FAM83B: variants seen among roughly 807,000 people sequenced by gnomAD.
The protein encoded by FAM83B is scaffolding CK1 anchoring protein B, also known as protein FAM83B.
A neutral mutation model predicts 38.8 loss-of-function variants in FAM83B; 26 were observed. The observed-to-expected ratio is 0.67, with a 90% confidence interval of 0.49 to 0.93. FAM83B has a LOEUF of 0.93. Among genes scored for constraint, FAM83B ranks in the 40% least tolerant of loss-of-function variants. The pLI, the probability that FAM83B is intolerant of heterozygous loss-of-function variation, is 0.00. For missense variants in FAM83B, 1,237 were observed against 1,197.3 expected (o/e 1.03, Z -0.49); for synonymous variants, 419 against 423.1 (o/e 0.99, Z 0.12).
Position 54,903,873 on chromosome 6 carries a change from G to A in FAM83B, c.445-22498G>A, listed in dbSNP as rs558682660. On this transcript the variant is annotated intron_variant, in intron 2 of 4. Coordinates refer to ENST00000306858, the MANE Select transcript of FAM83B (RefSeq NM_001010872.3). ...CATTTTTCAGGCAAATATTGGAATC[G>A]TTGCCCCATATGCTTATGTACCACA... Among the ~76,000 whole-genome samples, 31 of 151,122 alleles carry A rather than the reference G, an allele frequency of 2.1e-4. No homozygotes were observed. The East Asian group carries it at 5.9e-3, about 29-fold the overall frequency.
At chr6:54,905,231 TAGCATAGTGGTAA>T (rs775824468) in intron 2 of FAM83B, among the ~76,000 whole-genome samples, 4 of 152,142 alleles carry the variant, frequency 2.6e-5, no homozygotes, top group Non-Finnish European at 5.9e-5. Context: ...GGGAATAGCA[TAGCATAGTGGTAA>T]AGTCTTAGCT....
chr6:54,892,012 G>T (rs181203681), intron 2 of FAM83B, among the ~76,000 whole-genome samples: 136 of 152,112 alleles, frequency 8.9e-4, no homozygotes, highest in Middle Eastern at 3.4e-3. Context: ...GCTCTCCATT[G>T]CTACCATCCA....
Position 54,926,372 on chromosome 6 carries a change from T to A in FAM83B, c.446T>A (p.Val149Asp). 2 of 1,571,272 alleles carry A rather than the reference T, an allele frequency of 1.3e-6. No homozygotes were observed. Among genetic ancestry groups the A allele is most frequent in the Non-Finnish European group, 8.7e-7 (1 of 1,154,242 alleles). The change falls in exon 3 of 5, where the codon GTC (valine) becomes GAC (aspartate). Residue 149 changes from valine to aspartate, a missense_variant and splice_region_variant. Val to Asp is a radical substitution (Grantham distance 152, BLOSUM62 -3). Transcript: ENST00000306858. The stretch of plus-strand genomic sequence containing the variant: ...GTTTCATATTCTTATATTTAACAGG[T>A]CATTGCTTTAGTGATGGATATATTT... ...IRKMIKEARK[V>D]IALVMDIFTD...
intron 2 of FAM83B, among the ~76,000 whole-genome samples, chr6:54,895,644 T>C (rs1772513027): frequency 6.6e-6 from 1 of 152,178 alleles, no homozygotes; most frequent in African/African-American, 2.4e-5. Flanking sequence ...TTATGTAGTA[T>C]GTATGTTGTA....
At chr6:54,882,569 T>C (rs1470734731) in intron 2 of FAM83B, among the ~76,000 whole-genome samples, 1 of 152,216 alleles carries the variant, frequency 6.6e-6, no homozygotes, top group Non-Finnish European at 1.5e-5. Context: ...GCAGGCTCCA[T>C]GCAAACCAGC....
In FAM83B at chr6:54,940,130, C is replaced by T. The variant is rs776090893; in HGVS notation, c.1159C>T (p.His387Tyr). The T allele has an allele frequency of 7.4e-6, 12 of 1,613,902 alleles. No homozygotes were observed. Among genetic ancestry groups the T allele is most frequent in the South Asian group, 4.4e-5 (4 of 91,090 alleles). Residue 387 changes from histidine to tyrosine, a missense_variant, in exon 5 of 5, where the codon CAT becomes TAT. Physicochemically the swap from His to Tyr is moderately conservative, Grantham distance 83 (BLOSUM62 2). Transcript: ENST00000306858. Reference sequence around the variant, plus strand: ...TCAGATAAATGAAAATTGGAAAAGGCATAGTTATGCTGGGGAACAGCCAGA... The same window carrying T: ...TCAGATAAATGAAAATTGGAAAAGGTATAGTTATGCTGGGGAACAGCCAGA... ...PNQINENWKR[H>Y]SYAGEQPETV...
Position 54,855,605 on chromosome 6 carries a change from G to C in FAM83B, c.-61+8779G>C, listed in dbSNP as rs183033614. Among the ~76,000 whole-genome samples the C allele has an allele frequency of 3.3e-5, 5 of 152,206 alleles. No individual in the cohort carries two copies. In the East Asian group the frequency reaches 9.7e-4, roughly 29 times the overall value. On this transcript the variant is annotated intron_variant, in intron 1 of 4. Transcript: ENST00000306858. ...AATTCTATATTTTGTTTATGGAGTGGCTTTACTCCCATTTAGCATGTTAAA... is the reference window on the plus strand; with the variant it reads ...AATTCTATATTTTGTTTATGGAGTGCCTTTACTCCCATTTAGCATGTTAAA...
chr6:54,916,242 G>A (rs1359955419), intron 2 of FAM83B, among the ~76,000 whole-genome samples: 1 of 152,020 alleles, frequency 6.6e-6, no homozygotes, highest in African/African-American at 2.4e-5. Flanking sequence ...CTTTCTGCCT[G>A]CAGTGCCCTT....
chr6:54,925,086 T>C (rs2127588103), intron 2 of FAM83B, among the ~76,000 whole-genome samples: 1 of 152,314 alleles, frequency 6.6e-6, no homozygotes, highest in South Asian at 2.1e-4. Context: ...GTTTTTTGGA[T>C]TGCCAGAGCA....
Position 54,941,691 on chromosome 6 carries a change from C to T in FAM83B, c.2720C>T (p.Thr907Ile). 1.2e-6 allele frequency: 2 copies of T among 1,613,792 alleles called. No homozygotes were observed. The highest frequency in any genetic ancestry group is 1.7e-6 in the Non-Finnish European group (2 of 1,179,958). The change falls in exon 5 of 5, where the codon ACC becomes ATC. Residue 907 changes from threonine to isoleucine, a missense_variant. By Grantham distance (89) the Thr-to-Ile change is moderately conservative (BLOSUM62 -1). Coordinates refer to ENST00000306858, the MANE Select transcript of FAM83B (RefSeq NM_001010872.3). ...TCAAGGGAGATTAATGCAGTTGTTA[C>T]CCCTGAAAGAAGACCTACTTCTTCT... ...RDSREINAVV[T>I]PERRPTSSPR...
At chr6:54,934,857 C>T (rs985976437) in intron 4 of FAM83B, among the ~76,000 whole-genome samples, 8 of 152,056 alleles carry the variant, frequency 5.3e-5, no homozygotes, top group African/African-American at 1.2e-4. Context: ...CCTTTTGATC[C>T]GATGTTGAAT....
chr6:54,900,835 T>C (rs1489675479), intron 2 of FAM83B, among the ~76,000 whole-genome samples: 2 of 152,280 alleles, frequency 1.3e-5, no homozygotes, highest in East Asian at 3.9e-4. Context: ...CCCTTCTACT[T>C]AGTAAGAAAG....
chr6:54,881,097 T>C (rs1772122461), intron 2 of FAM83B, among the ~76,000 whole-genome samples: 1 of 152,166 alleles, frequency 6.6e-6, no homozygotes, highest in Non-Finnish European at 1.5e-5. Flanking sequence ...CATAACAAAA[T>C]AGGGGACAGT....
intron 2 of FAM83B, among the ~76,000 whole-genome samples, chr6:54,897,237 A>G (rs1772558953): frequency 6.6e-6 from 1 of 151,962 alleles, no homozygotes; most frequent in African/African-American, 2.4e-5. Flanking sequence ...TAAAAAAAAA[A>G]AACCATCTGG....
chr6:54,932,443 A>G (rs1224713769), intron 4 of FAM83B, among the ~76,000 whole-genome samples: 1 of 152,174 alleles, frequency 6.6e-6, no homozygotes, highest in Non-Finnish European at 1.5e-5. Flanking sequence ...GTATTTATGT[A>G]TTGTATAGCA....
chr6:54,884,948 A>G (rs1561914051), intron 2 of FAM83B, among the ~76,000 whole-genome samples: 1 of 151,620 alleles, frequency 6.6e-6, no homozygotes, highest in Non-Finnish European at 1.5e-5. Context: ...AATTTTTTGT[A>G]TTTTTAGTAG....
chr6:54,871,745 CAAAAA>C (rs34323872), intron 2 of FAM83B, among the ~76,000 whole-genome samples: 1 of 29,042 alleles, frequency 3.4e-5, no homozygotes, highest in East Asian at 1.4e-3. Context: ...CCTGTCTCAC[CAAAAA>C]AAAAAAAAAA....
intron 2 of FAM83B, among the ~76,000 whole-genome samples, chr6:54,884,544 T>C (rs1772223475): frequency 6.6e-6 from 1 of 151,952 alleles, no homozygotes; most frequent in Non-Finnish European, 1.5e-5. Flanking sequence ...TATCCTTAAT[T>C]GACCTCTAGA....
At chr6:54,887,300 G>A (rs1258536790) in intron 2 of FAM83B, among the ~76,000 whole-genome samples, 2 of 152,132 alleles carry the variant, frequency 1.3e-5, no homozygotes, top group East Asian at 3.9e-4. Flanking sequence ...TTCTTGGGAT[G>A]CAAAACTCAC....
Sources: gnomAD v4.1 joint callset for allele counts (sites outside exome capture counted in the v4.1 genomes callset) on GRCh38, gnomAD v4.1.1 for gene constraint, MANE v1.5 for transcripts, NCBI Gene and HGNC (gene_info 2026-07-23, HGNC 2026-07-21) for gene names.